The following RAPGEF6 variants were observed in gnomAD, a reference collection of about 807,000 sequenced individuals.
The protein encoded by RAPGEF6 is PDZ domain containing guanine nucleotide exchange factor (GEF) 2.
Under a neutral mutation model 171.4 loss-of-function variants are expected in RAPGEF6, and 56 were observed. That is an observed-to-expected ratio of 0.33 (90% CI 0.26 to 0.41). The LOEUF (loss-of-function observed/expected upper bound fraction) is 0.41, where lower values mean the gene tolerates loss of function less well. RAPGEF6 is among the 10% of genes least tolerant of loss of function. The pLI, the probability that RAPGEF6 is intolerant of heterozygous loss-of-function variation, is 1.00. For synonymous variants in RAPGEF6, 692 were observed against 650.1 expected (o/e 1.06, Z -0.98); for missense variants, 1,674 against 1,921.4 (o/e 0.87, Z 2.41).
At chr5:131,598,954 A>G (rs952852140) in intron 3 of RAPGEF6, among the ~76,000 whole-genome samples, 13 of 152,216 alleles carry the variant, frequency 8.5e-5, no homozygotes, top group Admixed American at 7.9e-4. Flanking sequence ...ATCTTGAAGA[A>G]CAAGCCTGAG....
At chr5:131,462,161 G>T in intron 18 of RAPGEF6, 73 bp from the exon 19 acceptor site, 1 of 1,164,040 alleles carries the variant, frequency 8.6e-7, no homozygotes. Context: ...CCTTTTTGTC[G>T]TTGTAAAATA....
Position 131,472,660 on chromosome 5 carries a change from A to G in RAPGEF6, c.2166T>C (p.Pro722=). ...CRHSLAIMPI[P]GTLSSSSPDL... Reference sequence around the variant, plus strand: ...CAGGGCTGCTGGATGAGAGTGTTCCAGGGATGGGCATTATAGCCAGACTAT... The same window carrying G: ...CAGGGCTGCTGGATGAGAGTGTTCCGGGGATGGGCATTATAGCCAGACTAT... The change falls in exon 17 of 28, where the codon CCT becomes CCC. Residue 722 remains proline (P), a synonymous_variant. Transcript: ENST00000509018. The G allele has an allele frequency of 6.2e-7, 1 of 1,613,718 alleles. No homozygotes were observed. Among genetic ancestry groups the G allele is most frequent in the Non-Finnish European group, 8.5e-7 (1 of 1,179,550 alleles).
intron 1 of RAPGEF6, among the ~76,000 whole-genome samples, chr5:131,616,837 G>A (rs1765294846): frequency 6.6e-6 from 1 of 151,778 alleles, no homozygotes; most frequent in African/African-American, 2.4e-5. Flanking sequence ...CTTGAACTAA[G>A]CTCAAAGGAT....
chr5:131,505,169 T>C (rs1421825773), intron 10 of RAPGEF6, among the ~76,000 whole-genome samples, 195 bp downstream of exon 10: 3 of 152,112 alleles, frequency 2.0e-5, no homozygotes, highest in Non-Finnish European at 2.9e-5. Context: ...TTTGGTATAA[T>C]CTCTTTTGAA....
intron 5 of RAPGEF6, among the ~76,000 whole-genome samples, chr5:131,552,688 T>C (rs1320975456): frequency 6.6e-6 from 1 of 152,086 alleles, no homozygotes; most frequent in African/African-American, 2.4e-5. Flanking sequence ...CTCGAACTCC[T>C]GATCTCAGGT....
chr5:131,592,254 C>G, intron 4 of RAPGEF6, 129 bp downstream of exon 4: 1 of 1,413,118 alleles, frequency 7.1e-7, no homozygotes, highest in South Asian at 1.4e-5. Flanking sequence ...TGATTCCTGC[C>G]AAGTATTTCC....
At chr5:131,465,287 A>T (rs541651607) in intron 17 of RAPGEF6, among the ~76,000 whole-genome samples, 3 of 152,266 alleles carry the variant, frequency 2.0e-5, no homozygotes, top group African/African-American at 7.2e-5. Context: ...TATGATAAGC[A>T]CATGTAAATA....
chr5:131,442,457 T>G lies in RAPGEF6; in HGVS notation c.3502A>C (p.Thr1168Pro), dbSNP rs765168041. ...PVPMRSAGQT[T>P]KAHLHQPHRV... ...TGGGGTTGATGCAAGTGGGCTTTAG[T>G]TGTTTGGCCAGCTGACCTCATAGGC... Residue 1168 changes from threonine (T) to proline (P), a missense_variant, in exon 23 of 28, where the codon ACT becomes CCT. Around this residue, in one of 3 missense-constraint regions of RAPGEF6, gnomAD observed 552 missense variants for 574.2 expected, o/e 0.96. Coordinates refer to ENST00000509018, the MANE Select transcript of RAPGEF6 (RefSeq NM_016340.6). 1 of 1,614,052 alleles carries G rather than the reference T, an allele frequency of 6.2e-7. No homozygotes were observed. The highest frequency in any genetic ancestry group is 2.2e-5 in the East Asian group (1 of 44,894).
intron 1 of RAPGEF6, among the ~76,000 whole-genome samples, chr5:131,605,111 C>T (rs769305186): frequency 4.6e-5 from 7 of 152,118 alleles, no homozygotes; most frequent in Non-Finnish European, 1.0e-4. Context: ...TAAAGAATTT[C>T]TTTCTAAAGA....
chr5:131,513,086 T>C (rs1247911047), intron 7 of RAPGEF6, among the ~76,000 whole-genome samples: 1 of 152,236 alleles, frequency 6.6e-6, no homozygotes, highest in Admixed American at 6.5e-5. Context: ...TTACTGGCTA[T>C]GAAATTACAG....
chr5:131,605,117 A>G (rs866588622), intron 1 of RAPGEF6, among the ~76,000 whole-genome samples: 1 of 152,214 alleles, frequency 6.6e-6, no homozygotes, highest in Non-Finnish European at 1.5e-5. Flanking sequence ...ATTTCTTTCT[A>G]AAGAGACTCA....
intron 6 of RAPGEF6, among the ~76,000 whole-genome samples, chr5:131,532,738 T>C (rs975295551): frequency 2.0e-5 from 3 of 152,156 alleles, no homozygotes; most frequent in Admixed American, 6.6e-5. Flanking sequence ...GTTTGTCCTG[T>C]AGAATGTCTA....
chr5:131,603,438 T>C (rs1301501306), intron 2 of RAPGEF6, 111 bp from the exon 3 acceptor site: 2 of 682,624 alleles, frequency 2.9e-6, no homozygotes, highest in African/African-American at 3.7e-5. Flanking sequence ...AATGACCAAA[T>C]CTACCAGTAT....
chr5:131,524,259 T>A (rs141241070), intron 6 of RAPGEF6, among the ~76,000 whole-genome samples: 113 of 152,192 alleles, frequency 7.4e-4, no homozygotes, highest in South Asian at 6.4e-3. Flanking sequence ...AATAGTAACA[T>A]TAATATCCCA....
intron 13 of RAPGEF6, 63 bp from the exon 14 acceptor site, chr5:131,492,848 C>A (rs1756375534): frequency 6.9e-7 from 1 of 1,447,294 alleles, no homozygotes; most frequent in East Asian, 2.4e-5. Context: ...TTTAAAAAGT[C>A]AACGAAAATT....
chr5:131,427,190 G>C lies in RAPGEF6; in HGVS notation c.*76C>G, dbSNP rs1751430626. Reference sequence around the variant, plus strand: ...TAGCAATGAGCTGTTCGTTAGCAATGGCCTGCAGAATCATGAGGTGGTTCT... The same window carrying C: ...TAGCAATGAGCTGTTCGTTAGCAATCGCCTGCAGAATCATGAGGTGGTTCT... On this transcript the variant is annotated 3_prime_UTR_variant, in exon 28 of 28. Transcript: ENST00000509018. 3 of 1,373,636 alleles carry C rather than the reference G, an allele frequency of 2.2e-6. No homozygotes were observed. In the Admixed American group the frequency reaches 5.0e-5, roughly 23 times the overall value. The allele number at this position is 1,373,636 out of a possible 1,614,324, so 85.1% of individuals were successfully genotyped here. A position where few individuals can be genotyped will look rare whatever the true frequency, so the allele number is the denominator to read the frequency against.
intron 17 of RAPGEF6, among the ~76,000 whole-genome samples, chr5:131,468,745 T>G (rs1004812692): frequency 2.6e-5 from 4 of 152,050 alleles, no homozygotes; most frequent in African/African-American, 9.7e-5. Context: ...TACATTCAAG[T>G]GAGTAAACAC....
In RAPGEF6 at chr5:131,498,706, C is replaced by A; in HGVS notation, c.1255-99G>T. ...TCCGCTTTGTAGCTACTCCATTAGACAAATCGTCAAAGTACAGTTTCGCCT... is the reference window on the plus strand; with the variant it reads ...TCCGCTTTGTAGCTACTCCATTAGAAAAATCGTCAAAGTACAGTTTCGCCT... On this transcript the variant is annotated intron_variant, in intron 11 of 27. Transcript: ENST00000509018. 2.7e-6 allele frequency: 3 copies of A among 1,105,202 alleles called. No individual in the cohort carries two copies. In the East Asian group the frequency reaches 7.3e-5, roughly 27 times the overall value. 68.5% of individuals were successfully genotyped at this position (1,105,202 alleles called of 1,614,324 possible). A position where few individuals can be genotyped will look rare whatever the true frequency, so the allele number is the denominator to read the frequency against.
chr5:131,524,883 T>C (rs1488253541), intron 6 of RAPGEF6, among the ~76,000 whole-genome samples: 1 of 152,224 alleles, frequency 6.6e-6, no homozygotes, highest in Non-Finnish European at 1.5e-5. Flanking sequence ...CCCAAAGTGC[T>C]GGGATTACAG....
Sources: gnomAD v4.1 joint callset for allele counts (sites outside exome capture counted in the v4.1 genomes callset) on GRCh38, gnomAD v4.1.1 for gene constraint, gnomAD v4.1.1 regional missense constraint, MANE v1.5 for transcripts, NCBI Gene and HGNC (gene_info 2026-07-23, HGNC 2026-07-21) for gene names.